The following CTNNA2 variants were observed in gnomAD, a reference collection of about 807,000 sequenced individuals.
The protein encoded by CTNNA2 is catenin alpha-2.
In CTNNA2, 42 loss-of-function variants were observed where a neutral mutation model predicts 101.0. That is an observed-to-expected ratio of 0.42 (90% CI 0.32 to 0.54). The LOEUF (loss-of-function observed/expected upper bound fraction) is 0.54. CTNNA2 is among the 20% of genes least tolerant of loss of function. The pLI, the probability that CTNNA2 is intolerant of heterozygous loss-of-function variation, is 0.14. For synonymous variants in CTNNA2, 450 were observed against 456.4 expected, an observed-to-expected ratio of 0.99 and a Z score of 0.18; for missense variants, 871 against 1,223.1, an observed-to-expected ratio of 0.71 and a Z score of 4.29.
At chr2:80,131,235 A>C (rs546507755) in intron 7 of CTNNA2, among the ~76,000 whole-genome samples, 1 of 152,078 alleles carries the variant, frequency 6.6e-6, no homozygotes, top group South Asian at 2.1e-4. Context: ...ATTTTTGTAT[A>C]TTTAGTAGAC....
chr2:79,787,589 G>C (rs1454227853), intron 3 of CTNNA2, among the ~76,000 whole-genome samples: 1 of 152,140 alleles, frequency 6.6e-6, no homozygotes, highest in African/African-American at 2.4e-5. Flanking sequence ...AAAGTCAGAA[G>C]TTTAAAATCA....
chr2:80,358,343 CTTTTTTTTTTT>C (rs35040432), intron 7 of CTNNA2, among the ~76,000 whole-genome samples: 4 of 99,724 alleles, frequency 4.0e-5, no homozygotes, highest in Admixed American at 1.2e-4. Context: ...TAGTATTCTA[CTTTTTTTTTTT>C]TTTTTTTTTT....
At chr2:80,469,984 G>T (rs2149484456) in intron 9 of CTNNA2, among the ~76,000 whole-genome samples, 1 of 152,234 alleles carries the variant, frequency 6.6e-6, no homozygotes. Flanking sequence ...TAAGACATGG[G>T]CAAGGGTGGC....
chr2:79,932,086 C>A (rs1331288974), intron 7 of CTNNA2, among the ~76,000 whole-genome samples: 1 of 152,176 alleles, frequency 6.6e-6, no homozygotes, highest in Non-Finnish European at 1.5e-5. Context: ...CATTCTGATC[C>A]AATGGATTTC....
rs967753425 is a variant in CTNNA2, at chr2:79,977,215, TATGC to T, written c.1056+67424_1056+67427del. On this transcript the variant is annotated intron_variant, in intron 7 of 18. Transcript: ENST00000402739. Reference sequence around the variant, plus strand: ...ACGTACACACACACGTGCACATGCATATGCATGCACACACACACACACACACACA... The same window carrying T: ...ACGTACACACACACGTGCACATGCATATGCACACACACACACACACACACA... Among the ~76,000 whole-genome samples the T allele has an allele frequency of 2.3e-4, 24 of 102,508 alleles. No individual in the cohort carries two copies. The East Asian group carries it at 4.3e-3, about 19-fold the overall frequency. 67.2% of individuals were successfully genotyped at this position (102,508 alleles called of 152,430 possible). A position where few individuals can be genotyped will look rare whatever the true frequency, so the allele number is the denominator to read the frequency against.
chr2:79,393,449 C>T (rs1439678604), intron 4 of CTNNA2, among the ~76,000 whole-genome samples: 1 of 152,106 alleles, frequency 6.6e-6, no homozygotes, highest in Non-Finnish European at 1.5e-5. Context: ...TATGGCTTCT[C>T]TCACACTACA....
At chr2:79,273,077 A>T (rs1249138298) in intron 2 of CTNNA2, among the ~76,000 whole-genome samples, 2 of 151,704 alleles carry the variant, frequency 1.3e-5, no homozygotes, top group African/African-American at 4.8e-5. Flanking sequence ...CTTTTTTTTT[A>T]TGGTTTCATG....
chr2:80,511,575 A>G (rs1290622628), intron 9 of CTNNA2, among the ~76,000 whole-genome samples: 1 of 152,206 alleles, frequency 6.6e-6, no homozygotes, highest in African/African-American at 2.4e-5. Flanking sequence ...GACAAAATAT[A>G]TATCATTGTC....
At chr2:80,043,500 T>C (rs1189772171) in intron 7 of CTNNA2, among the ~76,000 whole-genome samples, 1 of 152,156 alleles carries the variant, frequency 6.6e-6, no homozygotes, top group Non-Finnish European at 1.5e-5. Context: ...GCCCTGCCCC[T>C]GCATTCATGT....
chr2:79,762,225 C>A (rs974609707), intron 3 of CTNNA2, among the ~76,000 whole-genome samples: 1 of 152,076 alleles, frequency 6.6e-6, no homozygotes, highest in African/African-American at 2.4e-5. Context: ...ATCCACTGCC[C>A]AATGTTGGAT....
At chr2:79,423,188 A>G (rs1678556490) in intron 4 of CTNNA2, among the ~76,000 whole-genome samples, 1 of 152,116 alleles carries the variant, frequency 6.6e-6, no homozygotes, top group Non-Finnish European at 1.5e-5. Flanking sequence ...AAAAAATCTA[A>G]TTTACTCTGA....
intron 18 of CTNNA2, among the ~76,000 whole-genome samples, chr2:80,644,352 T>C (rs763945091): frequency 6.6e-6 from 1 of 152,188 alleles, no homozygotes; most frequent in Non-Finnish European, 1.5e-5. Context: ...TTATACGTAT[T>C]CACTTACCTA....
At chr2:79,540,586 A>G (rs915038228) in intron 1 of CTNNA2, among the ~76,000 whole-genome samples, 2 of 152,204 alleles carry the variant, frequency 1.3e-5, no homozygotes, top group African/African-American at 4.8e-5. Flanking sequence ...TGTGGCATGA[A>G]TGCCACTTGC....
At chr2:79,399,628 TG>T (rs935283339) in intron 4 of CTNNA2, among the ~76,000 whole-genome samples, 6 of 152,012 alleles carry the variant, frequency 3.9e-5, no homozygotes, top group Non-Finnish European at 5.9e-5. Context: ...CCCAGGTGTG[TG>T]GGGGTGATCA....
intron 15 of CTNNA2, among the ~76,000 whole-genome samples, chr2:80,590,370 C>G (rs1203788717): frequency 6.6e-6 from 1 of 151,848 alleles, no homozygotes; most frequent in South Asian, 2.1e-4. Context: ...TTTTAAAATC[C>G]AAAGAGATAA....
chr2:79,211,563 T>C (rs1674173884), intron 2 of CTNNA2, among the ~76,000 whole-genome samples: 1 of 152,080 alleles, frequency 6.6e-6, no homozygotes, highest in South Asian at 2.1e-4. Context: ...AGATGCTCAG[T>C]AGGGGAGCTT....
At chr2:80,415,102 T>C (rs1044858216) in intron 8 of CTNNA2, among the ~76,000 whole-genome samples, 1 of 152,178 alleles carries the variant, frequency 6.6e-6, no homozygotes, top group African/African-American at 2.4e-5. Context: ...CTTCAAAATG[T>C]ACAAAGGCTC....
intron 1 of CTNNA2, chr2:79,524,870 A>T (rs1399950548): frequency 6.7e-6 from 1 of 150,164 alleles, no homozygotes. Flanking sequence ...CCAGAAATTT[A>T]CTTGGCACTT....
At chr2:80,561,370 G>T (rs1200061066) in intron 12 of CTNNA2, among the ~76,000 whole-genome samples, 1 of 152,120 alleles carries the variant, frequency 6.6e-6, no homozygotes, top group African/African-American at 2.4e-5. Context: ...TTTTTTATAT[G>T]ACTAAAACCT....
Sources: allele counts gnomAD v4.1 joint callset (sites outside exome capture counted in the v4.1 genomes callset), GRCh38; gene constraint gnomAD v4.1.1; transcripts MANE v1.5; gene names NCBI Gene and HGNC (gene_info 2026-07-23, HGNC 2026-07-21).